ARHGAP44: variants seen among roughly 807,000 people sequenced by gnomAD.
ARHGAP44 encodes the protein Rho GTPase activating protein 44, also known as rho GTPase-activating protein 44.
A neutral mutation model predicts 106.8 loss-of-function variants in ARHGAP44; 43 were observed. That is an observed-to-expected ratio of 0.40 (90% CI 0.32 to 0.52). ARHGAP44 has a LOEUF of 0.52. Ranked by LOEUF, ARHGAP44 falls within the 20% of genes least tolerant of loss-of-function variation. The probability of loss-of-function intolerance (pLI) is 0.48; values close to 1 mark genes in which losing one functional copy is unlikely to be tolerated. For missense variants in ARHGAP44, 866 were observed against 1,050.5 expected (o/e 0.82, Z 2.43); for synonymous variants, 439 against 410.3 (o/e 1.07, Z -0.85).
intron 18 of ARHGAP44, among the ~76,000 whole-genome samples, 178 bp from the exon 19 acceptor site, chr17:12,979,880 G>A (rs1345621357): frequency 6.6e-6 from 1 of 152,202 alleles, no homozygotes; most frequent in African/African-American, 2.4e-5. Context: ...AGAGCTCCAG[G>A]AAGGGCAGTC....
intron 1 of ARHGAP44, among the ~76,000 whole-genome samples, chr17:12,828,636 C>CT (rs34860101): frequency 0.065 from 6,074 of 93,130 alleles, 368 homozygotes; most frequent in African/African-American, 0.15. Flanking sequence ...TTTTTTCTTT[C>CT]TTTTTTTTTT....
intron 7 of ARHGAP44, among the ~76,000 whole-genome samples, chr17:12,940,369 A>G (rs1331318323): frequency 6.6e-6 from 1 of 152,244 alleles, no homozygotes; most frequent in East Asian, 1.9e-4. Flanking sequence ...GAGTGATTCC[A>G]TAGAACTGAA....
chr17:12,845,006 C>G (rs1208191487), intron 1 of ARHGAP44, among the ~76,000 whole-genome samples: 3 of 152,176 alleles, frequency 2.0e-5, no homozygotes, highest in African/African-American at 7.2e-5. Context: ...TCCCTTCATT[C>G]TAGTCTGACT....
intron 20 of ARHGAP44, chr17:12,986,662 A>G (rs2039963027): frequency 7.6e-6 from 1 of 130,986 alleles, no homozygotes; most frequent in African/African-American, 2.9e-5. Flanking sequence ...CAACAGAGCG[A>G]GACTCCATCT....
intron 1 of ARHGAP44, among the ~76,000 whole-genome samples, chr17:12,803,580 G>C (rs2034185116): frequency 6.6e-6 from 1 of 152,080 alleles, no homozygotes; most frequent in Non-Finnish European, 1.5e-5. Flanking sequence ...CTCACTGTAT[G>C]CTCAACTTCC....
At chr17:12,923,705 T>G (rs1412592334) in intron 6 of ARHGAP44, among the ~76,000 whole-genome samples, 1 of 152,188 alleles carries the variant, frequency 6.6e-6, no homozygotes, top group Non-Finnish European at 1.5e-5. Flanking sequence ...TTGTTTCCGC[T>G]TTACTCTCAG....
intron 1 of ARHGAP44, among the ~76,000 whole-genome samples, chr17:12,845,517 A>C (rs9303062): frequency 7.7e-5 from 11 of 141,996 alleles, no homozygotes; most frequent in African/African-American, 1.9e-4. Context: ...AAAAAAAAAA[A>C]AAAAACAAAA....
At chr17:12,842,905 G>A (rs1404233320) in intron 1 of ARHGAP44, among the ~76,000 whole-genome samples, 2 of 152,140 alleles carry the variant, frequency 1.3e-5, no homozygotes, top group South Asian at 2.1e-4. Context: ...CTCAAGCCAC[G>A]CAGGCTCCTG....
rs552244827 is a variant in ARHGAP44, at chr17:12,969,803, A to G, written c.1524-3499A>G. On this transcript the variant is annotated intron_variant, in intron 16 of 20. Coordinates refer to ENST00000379672, the MANE Select transcript of ARHGAP44 (RefSeq NM_014859.6). ...TGCAAGGACATGCTAAATACATCTC[A>G]GCACTCAATAATTGATAAACTATCT... 1.1e-4 allele frequency among the ~76,000 whole-genome samples: 16 copies of G among 152,316 alleles called. 1 individual carries two copies. The highest frequency in any genetic ancestry group is 5.2e-4 in the Admixed American group (8 of 15,302).
chr17:12,854,415 A>G (rs974979868), intron 1 of ARHGAP44, among the ~76,000 whole-genome samples: 5 of 152,156 alleles, frequency 3.3e-5, no homozygotes, highest in African/African-American at 1.2e-4. Flanking sequence ...CAATATTATG[A>G]CAGGTATGCA....
chr17:12,796,455 A>G (rs1332652941), intron 1 of ARHGAP44, among the ~76,000 whole-genome samples: 4 of 152,206 alleles, frequency 2.6e-5, no homozygotes, highest in Non-Finnish European at 5.9e-5. Context: ...ATACACACAT[A>G]CATACACACT....
intron 16 of ARHGAP44, among the ~76,000 whole-genome samples, chr17:12,965,857 A>G (rs926291937): frequency 6.6e-6 from 1 of 152,146 alleles, no homozygotes; most frequent in Non-Finnish European, 1.5e-5. Flanking sequence ...TGAACAGCAC[A>G]TTAAAATCCC....
At chr17:12,882,763 T>TA (rs1487910115) in intron 1 of ARHGAP44, among the ~76,000 whole-genome samples, 1 of 152,100 alleles carries the variant, frequency 6.6e-6, no homozygotes, top group Non-Finnish European at 1.5e-5. Flanking sequence ...AAACCATTCT[T>TA]ACATTCTCTA....
chr17:12,925,152 G>A (rs921501209), intron 6 of ARHGAP44, among the ~76,000 whole-genome samples: 3 of 152,118 alleles, frequency 2.0e-5, no homozygotes, highest in East Asian at 3.9e-4. Flanking sequence ...ATGGGCTCAT[G>A]TCTCCCCACT....
Position 12,958,804 on chromosome 17 carries a change from T to C in ARHGAP44, c.1430T>C (p.Met477Thr), listed in dbSNP as rs772569716. ...ANYSSMPSPD[M>T]DPADRRQPEQ... Reference sequence around the variant, plus strand: ...TACAGCTCAATGCCCTCCCCAGACATGGACCCTGCTGACCGGCGCCAGCCC... The same window carrying C: ...TACAGCTCAATGCCCTCCCCAGACACGGACCCTGCTGACCGGCGCCAGCCC... Residue 477 changes from methionine (M) to threonine (T), a missense_variant, in exon 16 of 21, where the codon ATG (methionine) becomes ACG (threonine). Coordinates refer to ENST00000379672, the MANE Select transcript of ARHGAP44 (RefSeq NM_014859.6). The surrounding 1 kb of genome is among the most constrained non-coding windows in gnomAD (Gnocchi z 4.1). 1.9e-6 allele frequency: 3 copies of C among 1,611,900 alleles called. No individual in the cohort carries two copies. The Admixed American group carries it at 5.0e-5, about 27-fold the overall frequency.
At chr17:12,829,268 C>T (rs2035018536) in intron 1 of ARHGAP44, among the ~76,000 whole-genome samples, 1 of 152,050 alleles carries the variant, frequency 6.6e-6, no homozygotes, top group Non-Finnish European at 1.5e-5. Flanking sequence ...CATGTTTCTG[C>T]TTGCTGTTCT....
In ARHGAP44 at chr17:12,789,904, CG is replaced by C; in HGVS notation, c.53+16del. 2 of 1,515,968 alleles carry C rather than the reference CG, an allele frequency of 1.3e-6. No individual in the cohort carries two copies. The highest frequency in any genetic ancestry group is 1.2e-5 in the South Asian group (1 of 80,436). 93.9% of individuals were successfully genotyped at this position (1,515,968 alleles called of 1,614,324 possible). A position where few individuals can be genotyped will look rare whatever the true frequency, so the allele number is the denominator to read the frequency against. ...AGACGGTGGGCAGGTAGGTCACCCG[CG>C]GGCACCGCTGTCGGTGCGCGCCCGC... is the stretch of plus-strand genomic sequence containing the variant. On this transcript the variant is annotated intron_variant, in intron 1 of 20. Transcript: ENST00000379672.
At chr17:12,887,728 T>C (rs1245069861) in intron 1 of ARHGAP44, among the ~76,000 whole-genome samples, 9 of 152,182 alleles carry the variant, frequency 5.9e-5, no homozygotes, top group Admixed American at 5.9e-4. Flanking sequence ...TTTAAAACAT[T>C]TGGTAGAATT....
intron 1 of ARHGAP44, among the ~76,000 whole-genome samples, chr17:12,846,137 G>A (rs1391434357): frequency 6.6e-6 from 1 of 151,574 alleles, no homozygotes; most frequent in African/African-American, 2.4e-5. Context: ...ATAAATTTAA[G>A]TATATTCGAG....
Sources: gnomAD v4.1 joint callset for allele counts (sites outside exome capture counted in the v4.1 genomes callset) on GRCh38, gnomAD v4.1.1 for gene constraint, Gnocchi (gnomAD v3.1) non-coding constraint, MANE v1.5 for transcripts, NCBI Gene and HGNC (gene_info 2026-07-23, HGNC 2026-07-21) for gene names.